The following GPC5 variants were observed in gnomAD, a reference collection of about 807,000 sequenced individuals.
GPC5 encodes the protein glypican 5.
A neutral mutation model predicts 53.9 loss-of-function variants in GPC5; 47 were observed. That is an observed-to-expected ratio of 0.87 (90% CI 0.69 to 1.11). The LOEUF (loss-of-function observed/expected upper bound fraction) is 1.11. GPC5 is among the 50% of genes most tolerant of loss of function. The pLI is 0.00. For synonymous variants in GPC5, 286 were observed against 263.3 expected, an observed-to-expected ratio of 1.09 and a Z score of -0.84; for missense variants, 748 against 713.1, an observed-to-expected ratio of 1.05 and a Z score of -0.56.
At chr13:92,680,642 T>A (rs1482440172) in intron 7 of GPC5, among the ~76,000 whole-genome samples, 1 of 152,204 alleles carries the variant, frequency 6.6e-6, no homozygotes, top group Admixed American at 6.5e-5. Flanking sequence ...ACAATGCACC[T>A]AATGGTTAAT....
intron 7 of GPC5, among the ~76,000 whole-genome samples, chr13:92,184,502 T>C (rs1192384925): frequency 1.3e-5 from 2 of 152,190 alleles, no homozygotes; most frequent in Non-Finnish European, 2.9e-5. Flanking sequence ...TTTTAGCTTC[T>C]GTCTTTGTGT....
At chr13:91,889,534 T>C (rs1054036445) in intron 5 of GPC5, among the ~76,000 whole-genome samples, 1 of 152,148 alleles carries the variant, frequency 6.6e-6, no homozygotes, top group Non-Finnish European at 1.5e-5. Context: ...TGTTCAAAAT[T>C]GGGCCAAATC....
intron 7 of GPC5, among the ~76,000 whole-genome samples, chr13:92,572,643 T>G (rs1883066376): frequency 6.6e-6 from 1 of 152,194 alleles, no homozygotes; most frequent in Non-Finnish European, 1.5e-5. Context: ...TAATAATCCT[T>G]TAAGAATAAA....
chr13:92,618,115 G>A (rs1884757883), intron 7 of GPC5, among the ~76,000 whole-genome samples: 1 of 152,114 alleles, frequency 6.6e-6, no homozygotes, highest in Non-Finnish European at 1.5e-5. Flanking sequence ...GCTAGACTTT[G>A]CATCCTTTTC....
intron 7 of GPC5, among the ~76,000 whole-genome samples, chr13:92,824,491 C>T (rs909934465): frequency 2.0e-5 from 3 of 151,980 alleles, no homozygotes; most frequent in Non-Finnish European, 4.4e-5. Context: ...AGACTGGCTA[C>T]CCAGAATGGA....
chr13:92,443,959 T>G (rs1222729617), intron 7 of GPC5, among the ~76,000 whole-genome samples: 2 of 152,196 alleles, frequency 1.3e-5, no homozygotes, highest in East Asian at 3.8e-4. Flanking sequence ...ATTCCTATTA[T>G]TTCCCAGTCA....
At chr13:92,361,993 T>A (rs1041037692) in intron 7 of GPC5, among the ~76,000 whole-genome samples, 9 of 151,624 alleles carry the variant, frequency 5.9e-5, no homozygotes, top group Non-Finnish European at 1.0e-4. Context: ...TAGGCACATT[T>A]AAAAAAATCC....
In GPC5 at chr13:92,764,225, G is replaced by A. The variant is rs138929007; in HGVS notation, c.1562-102057G>A. On this transcript the variant is annotated intron_variant, in intron 7 of 7. Coordinates refer to ENST00000377067, the MANE Select transcript of GPC5 (RefSeq NM_004466.6). Reference sequence around the variant, plus strand: ...CAGCTCTGTGACAAATTGACCTCACGAGGTAGGGCATAGTAGCAGACTGGC... The same window carrying A: ...CAGCTCTGTGACAAATTGACCTCACAAGGTAGGGCATAGTAGCAGACTGGC... Among the ~76,000 whole-genome samples, 807 of 152,338 alleles carry A rather than the reference G, an allele frequency of 5.3e-3. 6 individuals carry two copies. The highest frequency in any genetic ancestry group is 8.8e-3 in the Non-Finnish European group (600 of 68,024).
intron 3 of GPC5, among the ~76,000 whole-genome samples, chr13:91,726,647 A>G (rs2036581437): frequency 6.6e-6 from 1 of 151,980 alleles, no homozygotes; most frequent in Non-Finnish European, 1.5e-5. Context: ...GCCCATCATC[A>G]CTGTTCTTTG....
chr13:92,006,721 G>C (rs2040609871), intron 6 of GPC5, among the ~76,000 whole-genome samples: 1 of 152,038 alleles, frequency 6.6e-6, no homozygotes, highest in Admixed American at 6.6e-5. Context: ...CATTATTTCA[G>C]ATTATGAAAA....
At chr13:92,296,879 G>T (rs576047111) in intron 7 of GPC5, among the ~76,000 whole-genome samples, 2 of 152,164 alleles carry the variant, frequency 1.3e-5, no homozygotes, top group Non-Finnish European at 2.9e-5. Flanking sequence ...TCGATTTCTC[G>T]CCGGGCCTTA....
chr13:91,879,626 G>T (rs897804937), intron 5 of GPC5, among the ~76,000 whole-genome samples: 2 of 152,040 alleles, frequency 1.3e-5, no homozygotes, highest in Non-Finnish European at 2.9e-5. Flanking sequence ...CATTAATGAG[G>T]GCTCCTCCTT....
intron 7 of GPC5, among the ~76,000 whole-genome samples, chr13:92,437,843 G>A (rs1335291717): frequency 6.6e-6 from 1 of 152,038 alleles, no homozygotes. Flanking sequence ...GCAGAAATGG[G>A]ATGAATCCTT....
intron 2 of GPC5, among the ~76,000 whole-genome samples, chr13:91,467,085 A>G (rs1448769007): frequency 6.6e-6 from 1 of 152,186 alleles, no homozygotes; most frequent in Non-Finnish European, 1.5e-5. Flanking sequence ...CCAGTATTTC[A>G]TCTAGAGCTA....
chr13:92,146,257 C>T (rs1268571721), intron 7 of GPC5, among the ~76,000 whole-genome samples: 1 of 151,822 alleles, frequency 6.6e-6, no homozygotes, highest in East Asian at 1.9e-4. Flanking sequence ...ATTGGTTTCT[C>T]CTTTTTTTCT....
intron 5 of GPC5, among the ~76,000 whole-genome samples, chr13:91,852,627 A>C (rs980880950): frequency 6.6e-6 from 1 of 152,144 alleles, no homozygotes; most frequent in African/African-American, 2.4e-5. Flanking sequence ...CAAAAGCTGC[A>C]CACATCACTG....
Position 92,576,082 on chromosome 13 carries a change from T to C in GPC5, c.1562-290200T>C, listed in dbSNP as rs1255006046. 3.3e-5 allele frequency among the ~76,000 whole-genome samples: 5 copies of C among 152,352 alleles called. No homozygotes were observed. In the East Asian group the frequency reaches 9.6e-4, roughly 29 times the overall value. ...TATATTCAGTTTCTAATTCTTCCAC[T>C]GGCATTGTTTCACAAAATCCCTCCA... On this transcript the variant is annotated intron_variant, in intron 7 of 7. Transcript: ENST00000377067.
chr13:92,791,786 G>A (rs1438894198), intron 7 of GPC5, among the ~76,000 whole-genome samples: 8 of 151,934 alleles, frequency 5.3e-5, no homozygotes, highest in African/African-American at 1.7e-4. Context: ...CATTTAAAGT[G>A]TATAATTCAA....
intron 6 of GPC5, among the ~76,000 whole-genome samples, chr13:92,124,248 G>GAAA (rs34042033): frequency 0.011 from 608 of 54,992 alleles, 28 homozygotes; most frequent in African/African-American, 0.031. Flanking sequence ...CGGACAGAAT[G>GAAA]AAAAAAAAAA....
Sources: allele counts gnomAD v4.1 joint callset (sites outside exome capture counted in the v4.1 genomes callset), GRCh38; gene constraint gnomAD v4.1.1; transcripts MANE v1.5; gene names NCBI Gene and HGNC (gene_info 2026-07-23, HGNC 2026-07-21).